The following AGTPBP1 variants were observed in gnomAD, a reference collection of about 807,000 sequenced individuals.
AGTPBP1 encodes cytosolic carboxypeptidase 1.
AGTPBP1 carries 70 observed loss-of-function variants against 143.9 expected under a neutral mutation model. That is an observed-to-expected ratio of 0.49 (90% CI 0.40 to 0.59). AGTPBP1 has a LOEUF of 0.59. AGTPBP1 is among the 20% of genes least tolerant of loss of function. AGTPBP1 has a pLI of 0.00. For synonymous variants in AGTPBP1, 463 were observed against 500.2 expected (o/e 0.93, Z 0.99); for missense variants, 1,229 against 1,464.5 (o/e 0.84, Z 2.62).
At position 85,574,414 on chromosome 9, in the gene AGTPBP1, GTCCTA is replaced by G. The variant is rs1273018922; in HGVS notation, c.3503+896_3503+900del. ...ATCTGCTGACCTTCCCTCCACTATT[GTCCTA>G]TGACCCTGCCAAATCCCCCCTGCGA... On this transcript the variant is annotated intron_variant, in intron 25 of 25. Coordinates refer to ENST00000357081, the MANE Select transcript of AGTPBP1 (RefSeq NM_001330701.2). Among the ~76,000 whole-genome samples, 6 of 145,290 alleles carry G rather than the reference GTCCTA, an allele frequency of 4.1e-5. No individual in the cohort carries two copies. In the Admixed American group the frequency reaches 4.3e-4, roughly 10 times the overall value.
the AGTPBP1 span, among the ~76,000 whole-genome samples, chr9:85,760,392 C>A: frequency 6.6e-6 from 1 of 152,202 alleles, no homozygotes; most frequent in East Asian, 1.9e-4. Context: ...CAAACCAAAT[C>A]CAGCAGCACA....
intron 3 of AGTPBP1, among the ~76,000 whole-genome samples, chr9:85,681,696 GAAAACA>G (rs1835185415): frequency 1.4e-5 from 2 of 146,358 alleles, no homozygotes; most frequent in Admixed American, 6.8e-5. Flanking sequence ...CAAAATGGGT[GAAAACA>G]AAAACCTACT....
At chr9:85,752,361 A>G in the AGTPBP1 span, among the ~76,000 whole-genome samples, 14 of 152,296 alleles carry the variant, frequency 9.2e-5, 1 homozygote, top group East Asian at 2.7e-3. Context: ...GAAATTGAAC[A>G]TTACATTTTG....
the AGTPBP1 span, among the ~76,000 whole-genome samples, chr9:85,760,822 GTCAAA>G: frequency 6.6e-6 from 1 of 152,178 alleles, no homozygotes; most frequent in Non-Finnish European, 1.5e-5. Context: ...AAAAGAGGAA[GTCAAA>G]TTGTCTGTTT....
the AGTPBP1 span, chr9:85,781,052 G>C: frequency 1.9e-6 from 2 of 1,059,054 alleles, no homozygotes; most frequent in Non-Finnish European, 2.5e-6. Flanking sequence ...GGGTGGCGGA[G>C]CTTACAGTGA....
intron 1 of AGTPBP1, among the ~76,000 whole-genome samples, chr9:85,715,204 C>G (rs1837627169): frequency 1.3e-5 from 2 of 151,618 alleles, no homozygotes; most frequent in South Asian, 4.2e-4. Context: ...TGAGATCGCA[C>G]CACTGCACTC....
At chr9:85,611,873 G>A (rs1220346606) in intron 17 of AGTPBP1, among the ~76,000 whole-genome samples, 8 of 152,000 alleles carry the variant, frequency 5.3e-5, no homozygotes, top group Admixed American at 5.2e-4. Flanking sequence ...GTAGAGATGG[G>A]GTTTCACCAT....
the AGTPBP1 span, among the ~76,000 whole-genome samples, chr9:85,763,166 C>CA: frequency 1.3e-4 from 20 of 150,828 alleles, no homozygotes; most frequent in Non-Finnish European, 2.4e-4. Context: ...CATTTTCAGG[C>CA]AAAAAAACAA....
chr9:85,602,643 C>T (rs7851156), intron 17 of AGTPBP1, among the ~76,000 whole-genome samples: 28,318 of 152,018 alleles, frequency 0.19, 3,418 homozygotes, highest in East Asian at 0.51. Context: ...CAGTGATCAC[C>T]GCCCCCCACT....
At chr9:85,781,945 T>C in the AGTPBP1 span, among the ~76,000 whole-genome samples, 4 of 152,198 alleles carry the variant, frequency 2.6e-5, 1 homozygote, top group Admixed American at 2.0e-4. Context: ...ATGATTAAAA[T>C]ATACCCTCTT....
chr9:85,554,457 G>A (rs893958730), intron 25 of AGTPBP1, among the ~76,000 whole-genome samples: 7 of 152,226 alleles, frequency 4.6e-5, no homozygotes, highest in Non-Finnish European at 4.4e-5. Flanking sequence ...TGGTGCTGGG[G>A]AGAGGAGGAG....
At chr9:85,757,290 C>T in the AGTPBP1 span, among the ~76,000 whole-genome samples, 6 of 152,228 alleles carry the variant, frequency 3.9e-5, no homozygotes, top group South Asian at 4.1e-4. Flanking sequence ...TGGTCTCGAA[C>T]TTCTGACCTT....
chr9:85,621,770 G>A (rs1178252306), intron 14 of AGTPBP1, among the ~76,000 whole-genome samples: 4 of 152,164 alleles, frequency 2.6e-5, no homozygotes, highest in Admixed American at 1.3e-4. Flanking sequence ...CCTCTCTTTT[G>A]TGGTGGGAAA....
intron 19 of AGTPBP1, 35 bp downstream of exon 19, chr9:85,592,525 T>C (rs1229954908): frequency 6.9e-7 from 1 of 1,456,296 alleles, no homozygotes; most frequent in East Asian, 2.4e-5. Flanking sequence ...ATCTTATACA[T>C]ATCCATATAA....
chr9:85,639,339 ACATACACACACC>A (rs569272536), intron 13 of AGTPBP1, among the ~76,000 whole-genome samples: 2,238 of 150,888 alleles, frequency 0.015, 19 homozygotes, highest in Middle Eastern at 0.044. Flanking sequence ...ATGCATGCAT[ACATACACACACC>A]CATGCGCGCG....
At chr9:85,581,612 C>A (rs1426556951) in intron 23 of AGTPBP1, among the ~76,000 whole-genome samples, 2 of 152,168 alleles carry the variant, frequency 1.3e-5, no homozygotes, top group East Asian at 3.8e-4. Context: ...CAAAAGTCCT[C>A]ATTTACATTA....
At chr9:85,623,625 C>T (rs953179665) in intron 14 of AGTPBP1, among the ~76,000 whole-genome samples, 10 of 151,776 alleles carry the variant, frequency 6.6e-5, no homozygotes, top group African/African-American at 2.2e-4. Flanking sequence ...GGTGTGGTGG[C>T]GGGTGCCTGT....
chr9:85,592,821 G>A (rs571227393), intron 18 of AGTPBP1, 117 bp from the exon 19 acceptor site: 54 of 1,250,274 alleles, frequency 4.3e-5, no homozygotes, highest in African/African-American at 2.1e-4. Context: ...TGTAAAAAGT[G>A]TAACTTAAAT....
chr9:85,775,956 A>C, the AGTPBP1 span, among the ~76,000 whole-genome samples: 7 of 152,188 alleles, frequency 4.6e-5, no homozygotes, highest in African/African-American at 1.7e-4. Context: ...CCTTCAATCC[A>C]GTCAAGTTAA....
Sources: allele counts gnomAD v4.1 joint callset (sites outside exome capture counted in the v4.1 genomes callset), GRCh38; gene constraint gnomAD v4.1.1; transcripts MANE v1.5; gene names NCBI Gene and HGNC (gene_info 2026-07-23, HGNC 2026-07-21).